Variants in LYRM4 observed in about 807,000 individuals in gnomAD.
The protein encoded by LYRM4 is LYR motif-containing protein 4.
In LYRM4, 9 loss-of-function variants were observed where a neutral mutation model predicts 11.7. That is an observed-to-expected ratio of 0.77 (90% confidence interval 0.46 to 1.34). The LOEUF (loss-of-function observed/expected upper bound fraction) is 1.34, where lower values mean the gene tolerates loss of function less well. Among genes scored for constraint, LYRM4 ranks in the 40% most tolerant of loss-of-function variants. LYRM4 has a pLI of 0.00. For synonymous variants in LYRM4, 42 were observed against 40.4 expected, an observed-to-expected ratio of 1.04 and a Z score of -0.15; for missense variants, 133 against 112.5, an observed-to-expected ratio of 1.18 and a Z score of -0.82.
chr6:5,171,520 T>C (rs1270794446), intron 2 of LYRM4, among the ~76,000 whole-genome samples: 1 of 151,892 alleles, frequency 6.6e-6, no homozygotes, highest in Non-Finnish European at 1.5e-5. Context: ...GGGGAAGTGG[T>C]GGGGGGAGAA....
intron 2 of LYRM4, among the ~76,000 whole-genome samples, chr6:5,110,616 G>A (rs139595707): frequency 1.4e-4 from 21 of 152,270 alleles, no homozygotes; most frequent in Non-Finnish European, 2.8e-4. Flanking sequence ...TAAGAAGAAC[G>A]AGAAGTAGAC....
intron 2 of LYRM4, among the ~76,000 whole-genome samples, chr6:5,111,373 G>A (rs373011127): frequency 2.6e-5 from 4 of 152,170 alleles, no homozygotes; most frequent in African/African-American, 4.8e-5. Flanking sequence ...GTCCACAATC[G>A]GACATTCACG....
chr6:5,193,064 T>G (rs546696878), intron 2 of LYRM4, among the ~76,000 whole-genome samples: 1 of 152,238 alleles, frequency 6.6e-6, no homozygotes, highest in African/African-American at 2.4e-5. Flanking sequence ...AAGAGCTTAC[T>G]CTTGGATTTC....
the LYRM4 span, among the ~76,000 whole-genome samples, chr6:5,095,113 A>T: frequency 6.6e-6 from 1 of 152,220 alleles, no homozygotes; most frequent in Non-Finnish European, 1.5e-5. Context: ...ACTATTATAT[A>T]TCTATTAAAG....
At chr6:5,214,483 AG>A (rs1016229673) in intron 2 of LYRM4, among the ~76,000 whole-genome samples, 7 of 152,256 alleles carry the variant, frequency 4.6e-5, no homozygotes, top group Middle Eastern at 3.4e-3. Context: ...AGAGCCTTGA[AG>A]GGGTTGAACG....
chr6:5,187,108 G>C, intron 2 of LYRM4: 3 of 794,306 alleles, frequency 3.8e-6, no homozygotes, highest in Non-Finnish European at 4.6e-6. Flanking sequence ...ATATAGAAAA[G>C]AAATGCACAT....
the LYRM4 span, chr6:5,085,588 G>T: frequency 3.6e-5 from 55 of 1,545,904 alleles, no homozygotes; most frequent in Non-Finnish European, 4.5e-5. Flanking sequence ...GGTCCCCTGT[G>T]TGCAGGGTGG....
At chr6:5,205,416 G>A (rs1761638240) in intron 2 of LYRM4, among the ~76,000 whole-genome samples, 1 of 151,918 alleles carries the variant, frequency 6.6e-6, no homozygotes, top group South Asian at 2.1e-4. Flanking sequence ...TGCAGAGGCT[G>A]GCCATAAAAT....
intron 2 of LYRM4, among the ~76,000 whole-genome samples, chr6:5,156,301 G>A (rs1010880054): frequency 6.6e-6 from 1 of 152,226 alleles, no homozygotes; most frequent in Non-Finnish European, 1.5e-5. Context: ...CAGGTGGAGA[G>A]CCCCTGGGTC....
At chr6:5,049,811 A>G in the LYRM4 span, among the ~76,000 whole-genome samples, 1 of 152,098 alleles carries the variant, frequency 6.6e-6, no homozygotes, top group African/African-American at 2.4e-5. Flanking sequence ...TTGGGATTAT[A>G]GGCGTGCACC....
intron 2 of LYRM4, among the ~76,000 whole-genome samples, chr6:5,141,380 T>G (rs1757400208): frequency 6.6e-6 from 1 of 152,214 alleles, no homozygotes; most frequent in Non-Finnish European, 1.5e-5. Flanking sequence ...GAGAGTAGGC[T>G]GATTTCTCAG....
At chr6:5,110,737 A>G (rs113773818) in intron 2 of LYRM4, among the ~76,000 whole-genome samples, 2,098 of 152,224 alleles carry the variant, frequency 0.014, 31 homozygotes, top group South Asian at 0.088. Context: ...GGGTGTAGAG[A>G]ATGAGTGCTC....
At chr6:5,235,912 T>C (rs931000387) in intron 1 of LYRM4, among the ~76,000 whole-genome samples, 1 of 152,232 alleles carries the variant, frequency 6.6e-6, no homozygotes, top group African/African-American at 2.4e-5. Flanking sequence ...TTCCTAATAC[T>C]GTATATATAA....
downstream of LYRM4, among the ~76,000 whole-genome samples, chr6:5,102,127 A>G (rs1762525440): frequency 6.6e-6 from 1 of 151,340 alleles, no homozygotes; most frequent in African/African-American, 2.4e-5. Context: ...TTATATTTTC[A>G]GTAGTTTGAG....
chr6:5,243,534 A>G (rs1013554445), intron 1 of LYRM4, among the ~76,000 whole-genome samples: 7 of 152,190 alleles, frequency 4.6e-5, no homozygotes, highest in African/African-American at 1.7e-4. Context: ...AAAAATAAAC[A>G]CTGGAGTCCC....
At chr6:5,246,483 C>A (rs1027368713) in intron 1 of LYRM4, among the ~76,000 whole-genome samples, 3 of 152,180 alleles carry the variant, frequency 2.0e-5, no homozygotes, top group African/African-American at 7.2e-5. Flanking sequence ...TCCCCAACTA[C>A]CACATTTATC....
At chr6:5,118,791 T>C (rs922904806) in intron 2 of LYRM4, among the ~76,000 whole-genome samples, 1 of 152,256 alleles carries the variant, frequency 6.6e-6, no homozygotes, top group Non-Finnish European at 1.5e-5. Context: ...GCAAGAAGTA[T>C]TGTGAAACCC....
At chr6:5,189,591 G>A (rs1030171382) in intron 2 of LYRM4, among the ~76,000 whole-genome samples, 2 of 152,208 alleles carry the variant, frequency 1.3e-5, no homozygotes, top group African/African-American at 4.8e-5. Flanking sequence ...AAGGCACCAT[G>A]AAGCTCTACA....
intron 2 of LYRM4, among the ~76,000 whole-genome samples, chr6:5,139,972 G>A (rs1028871563): frequency 2.0e-5 from 3 of 150,962 alleles, no homozygotes; most frequent in African/African-American, 7.3e-5. Flanking sequence ...CAAGCAGCTG[G>A]GACAAGCACA....
Sources: gnomAD v4.1 joint callset for allele counts (sites outside exome capture counted in the v4.1 genomes callset) on GRCh38, gnomAD v4.1.1 for gene constraint, MANE v1.5 for transcripts, NCBI Gene and HGNC (gene_info 2026-07-23, HGNC 2026-07-21) for gene names.